Variants in SCUBE1 observed in about 807,000 individuals in gnomAD.
SCUBE1 encodes signal peptide, CUB and EGF-like domain-containing protein 1.
SCUBE1 carries 59 observed loss-of-function variants against 124.4 expected under a neutral mutation model. The observed-to-expected ratio is 0.47, with a 90% CI of 0.38 to 0.59. SCUBE1 has a LOEUF of 0.59. SCUBE1 is among the 20% of genes least tolerant of loss of function. The probability of loss-of-function intolerance (pLI) is 0.00; values close to 1 mark genes in which losing one functional copy is unlikely to be tolerated. For synonymous variants in SCUBE1, 545 were observed against 550.9 expected (o/e 0.99, Z 0.15); for missense variants, 1,150 against 1,371.2 (o/e 0.84, Z 2.55).
chr22:43,274,174 ACTCC>A (rs1924407011), intron 4 of SCUBE1, among the ~76,000 whole-genome samples: 1 of 151,932 alleles, frequency 6.6e-6, no homozygotes, highest in South Asian at 2.1e-4. Flanking sequence ...CCTGAGCTTT[ACTCC>A]CTCAAGGCCC....
At chr22:43,221,628 A>C (rs1922094917) in intron 12 of SCUBE1, among the ~76,000 whole-genome samples, 1 of 152,174 alleles carries the variant, frequency 6.6e-6, no homozygotes, top group Non-Finnish European at 1.5e-5. Flanking sequence ...AACAGAAGAG[A>C]GATAGGACAG....
At chr22:43,221,043 C>A in intron 13 of SCUBE1, 130 bp downstream of exon 13, 1 of 644,130 alleles carries the variant, frequency 1.6e-6, no homozygotes, top group Non-Finnish European at 2.7e-6. Flanking sequence ...ATTCAATAAA[C>A]AGCTGCCAGG....
At chr22:43,287,856 T>C (rs1251556479) in intron 4 of SCUBE1, among the ~76,000 whole-genome samples, 1 of 152,162 alleles carries the variant, frequency 6.6e-6, no homozygotes, top group Non-Finnish European at 1.5e-5. Flanking sequence ...TTGACACTAA[T>C]GGTGGGCAAT....
rs1166201176 is a variant in SCUBE1 at position 43,275,680 on chromosome 22, C to T, written c.485-12835G>A. On this transcript the variant is annotated intron_variant, in intron 4 of 21. Transcript: ENST00000360835. ...TTTTGATGGATGACTAAGAGTTCTCCAGGAAGGGAGGGGAATGGGAAATGG... is the reference window on the plus strand; with the variant it reads ...TTTTGATGGATGACTAAGAGTTCTCTAGGAAGGGAGGGGAATGGGAAATGG... Among the ~76,000 whole-genome samples the T allele has an allele frequency of 3.9e-5, 6 of 152,170 alleles. No homozygotes were observed. The East Asian group carries it at 1.2e-3, about 29-fold the overall frequency.
chr22:43,336,372 C>T (rs1002313988), intron 2 of SCUBE1, among the ~76,000 whole-genome samples: 1 of 152,208 alleles, frequency 6.6e-6, no homozygotes, highest in African/African-American at 2.4e-5. Context: ...CCGCACTCCC[C>T]TCTGTGGATA....
Position 43,223,105 on chromosome 22 carries a change from A to G in SCUBE1, c.1319T>C (p.Phe440Ser). The G allele has an allele frequency of 1.3e-6, 2 of 1,543,862 alleles. No homozygotes were observed. The highest frequency in any genetic ancestry group is 1.7e-6 in the Non-Finnish European group (2 of 1,150,548). Residue 440 changes from phenylalanine to serine, a missense_variant, in exon 11 of 22, where the codon TTC becomes TCC. Phe to Ser is a radical substitution (Grantham distance 155). Transcript: ENST00000360835. ...GGGACGGCCCGGGTTACCTGGCACG[A>G]AGAGTGTGTGAGCCGGGCAGGAAAG... ...CFLSCPAHTL[F>S]VPDSENSYVL...
At chr22:43,260,888 C>T (rs543899477) in intron 5 of SCUBE1, among the ~76,000 whole-genome samples, 12 of 152,296 alleles carry the variant, frequency 7.9e-5, no homozygotes, top group Admixed American at 1.3e-4. Context: ...ACCAGGCTGG[C>T]GCTCAGAAGA....
At chr22:43,235,270 C>T (rs1239375404) in intron 7 of SCUBE1, among the ~76,000 whole-genome samples, 4 of 152,042 alleles carry the variant, frequency 2.6e-5, no homozygotes, top group Admixed American at 2.6e-4. Context: ...AGTGGGTGTG[C>T]ATGGGGGCAG....
chr22:43,214,046 C>CCGGGGGGGGG, intron 16 of SCUBE1, 44 bp downstream of exon 16: 6 of 422,702 alleles, frequency 1.4e-5, no homozygotes, highest in South Asian at 2.4e-5. Context: ...GAGGAGCCCC[C>CCGGGGGGGGG]GCCCACCCCC....
intron 2 of SCUBE1, among the ~76,000 whole-genome samples, chr22:43,333,273 C>A (rs536712671): frequency 6.6e-6 from 1 of 152,346 alleles, no homozygotes; most frequent in Admixed American, 6.5e-5. Context: ...CAGAGCCTTT[C>A]CCGGCTGTCT....
At chr22:43,263,609 A>T (rs748946034) in intron 4 of SCUBE1, among the ~76,000 whole-genome samples, 1 of 152,218 alleles carries the variant, frequency 6.6e-6, no homozygotes, top group Non-Finnish European at 1.5e-5. Context: ...GGACTGGCTC[A>T]ATCCTGACCC....
At chr22:43,214,050 C>CA in intron 16 of SCUBE1, 40 bp downstream of exon 16, 1 of 271,286 alleles carries the variant, frequency 3.7e-6, no homozygotes, top group Non-Finnish European at 7.4e-6. Flanking sequence ...AGCCCCCGCC[C>CA]ACCCCCCACC....
intron 3 of SCUBE1, among the ~76,000 whole-genome samples, chr22:43,319,639 G>A (rs544836342): frequency 7.9e-5 from 12 of 151,016 alleles, no homozygotes; most frequent in East Asian, 3.9e-4. Context: ...TGGGAAGACC[G>A]TATGAAGACA....
chr22:43,234,698 C>T lies in SCUBE1; in HGVS notation c.845-2823G>A, dbSNP rs1350537896. On this transcript the variant is annotated intron_variant, in intron 7 of 21. Coordinates refer to ENST00000360835, the MANE Select transcript of SCUBE1 (RefSeq NM_173050.5). The surrounding 1 kb of genome is among the most constrained non-coding windows in gnomAD (Gnocchi z 4.4). ...CTTCCGCTCCTTCCTGGGTTCCCAC[C>T]CCACCGCCCCACACCAGGCAGCCAG... Among the ~76,000 whole-genome samples, 2 of 149,424 alleles carry T rather than the reference C, an allele frequency of 1.3e-5. No homozygotes were observed. Among genetic ancestry groups the T allele is most frequent in the African/African-American group, 2.6e-5 (1 of 38,812 alleles).
intron 2 of SCUBE1, among the ~76,000 whole-genome samples, chr22:43,332,557 C>A (rs915703805): frequency 2.0e-5 from 3 of 152,122 alleles, no homozygotes; most frequent in Non-Finnish European, 4.4e-5. Flanking sequence ...GACCCCTTGG[C>A]TGGTGGGGGA....
chr22:43,248,744 A>C (rs560325354), intron 6 of SCUBE1, among the ~76,000 whole-genome samples: 49 of 152,222 alleles, frequency 3.2e-4, no homozygotes, highest in Admixed American at 1.8e-3. Flanking sequence ...CGGCCCTGTG[A>C]TATCACCTCC....
intron 3 of SCUBE1, among the ~76,000 whole-genome samples, chr22:43,292,865 G>GAGGC (rs2085947461): frequency 6.6e-6 from 1 of 152,218 alleles, no homozygotes. Flanking sequence ...GCAGTCAGAG[G>GAGGC]AGGCAGGCAG....
chr22:43,248,747 T>C (rs917993928), intron 6 of SCUBE1, among the ~76,000 whole-genome samples: 2 of 152,164 alleles, frequency 1.3e-5, no homozygotes, highest in Non-Finnish European at 2.9e-5. Flanking sequence ...CCCTGTGATA[T>C]CACCTCCCTC....
chr22:43,226,519 G>C (rs2146673821), intron 10 of SCUBE1, among the ~76,000 whole-genome samples: 1 of 152,042 alleles, frequency 6.6e-6, no homozygotes, highest in South Asian at 2.1e-4. Flanking sequence ...TGAAGCGAGG[G>C]AGACAGCAGA....
Sources: gnomAD v4.1 joint callset for allele counts (sites outside exome capture counted in the v4.1 genomes callset) on GRCh38, gnomAD v4.1.1 for gene constraint, Gnocchi (gnomAD v3.1) non-coding constraint, MANE v1.5 for transcripts, NCBI Gene and HGNC (gene_info 2026-07-23, HGNC 2026-07-21) for gene names.